Variants in OR8J1 observed in about 807,000 individuals in gnomAD.
The protein encoded by OR8J1 is olfactory receptor family 8 subfamily J member 1, also known as olfactory receptor 8J1.
For synonymous variants in OR8J1, 157 were observed against 144.3 expected (o/e 1.09, Z -0.63); for missense variants, 400 against 373.0 (o/e 1.07, Z -0.60).
In OR8J1 at chr11:56,360,532, G is replaced by A. The variant is rs756370177; in HGVS notation, c.286G>A (p.Glu96Lys). Residue 96 changes from glutamate to lysine, a missense_variant, in exon 2 of 2, where the codon GAA becomes AAA. By Grantham distance (56) the Glu-to-Lys change is moderately conservative (BLOSUM62 1). Coordinates refer to ENST00000533152, the MANE Select transcript of OR8J1 (RefSeq NM_001005205.3). ...LVKKKTTSFY[E>K]CATQLGGFLF... Reference sequence around the variant, plus strand: ...AAAGAAGAAAACTACCTCATTCTATGAATGTGCCACCCAACTGGGAGGGTT... The same window carrying A: ...AAAGAAGAAAACTACCTCATTCTATAAATGTGCCACCCAACTGGGAGGGTT... 1 of 1,614,110 alleles carries A rather than the reference G, an allele frequency of 6.2e-7. No individual in the cohort carries two copies. The highest frequency in any genetic ancestry group is 1.7e-5 in the Admixed American group (1 of 60,000).
chr11:56,360,848 T>C lies in OR8J1; in HGVS notation c.602T>C (p.Ile201Thr), dbSNP rs150294398. ...DTYLPETVVF[I>T]SAATNVVGSL... ...TACTTACCAGAAACAGTTGTCTTTA[T>C]ATCTGCAGCAACAAATGTGGTTGGT... Residue 201 changes from isoleucine to threonine, a missense_variant, in exon 2 of 2, where the codon ATA becomes ACA. Physicochemically the swap from Ile to Thr is moderately conservative, Grantham distance 89. Transcript: ENST00000533152. 17 of 1,518,554 alleles carry C rather than the reference T, an allele frequency of 1.1e-5. No individual in the cohort carries two copies. In the African/African-American group the frequency reaches 2.2e-4, roughly 20 times the overall value. The allele number at this position is 1,518,554 out of a possible 1,614,324, so 94.1% of individuals were successfully genotyped here.
intron 1 of OR8J1, chr11:56,357,592 T>C: frequency 8.7e-7 from 1 of 1,147,966 alleles, no homozygotes; most frequent in Non-Finnish European, 1.3e-6. Context: ...GGTGTGAAGG[T>C]TGGCCTGACA....
intron 1 of OR8J1, chr11:56,358,098 C>T (rs1852583362): frequency 5.8e-6 from 3 of 515,440 alleles, no homozygotes; most frequent in Non-Finnish European, 7.0e-6. Flanking sequence ...AAAAGAAGCC[C>T]AAGACAGAAG....
At position 56,361,007 on chromosome 11, in the gene OR8J1, C is replaced by A. The variant is rs376550127; in HGVS notation, c.761C>A (p.Thr254Lys). 6.0e-6 allele frequency: 9 copies of A among 1,493,362 alleles called. No individual in the cohort carries two copies. In the South Asian group the frequency reaches 1.2e-4, roughly 20 times the overall value. The allele number at this position is 1,493,362 out of a possible 1,614,324, so 92.5% of individuals were successfully genotyped here. A position where few individuals can be genotyped will look rare whatever the true frequency, so the allele number is the denominator to read the frequency against. ...HMMAVTIFYG[T>K]LLFMYVQPRS... Reference sequence around the variant, plus strand: ...ATGGCAGTCACAATTTTTTATGGGACATTGCTATTCATGTATGTGCAGCCC... The same window carrying A: ...ATGGCAGTCACAATTTTTTATGGGAAATTGCTATTCATGTATGTGCAGCCC... The change falls in exon 2 of 2, where the codon ACA becomes AAA. Residue 254 changes from threonine (T) to lysine (K), a missense_variant. Physicochemically the swap from Thr to Lys is moderately conservative, Grantham distance 78. Coordinates refer to ENST00000533152, the MANE Select transcript of OR8J1 (RefSeq NM_001005205.3).
intron 1 of OR8J1, among the ~76,000 whole-genome samples, chr11:56,358,696 T>C (rs1244324368): frequency 6.6e-6 from 1 of 152,226 alleles, no homozygotes; most frequent in Non-Finnish European, 1.5e-5. Context: ...TTATTTATTA[T>C]TGAAATGTGC....
rs373187788 is a variant in OR8J1, at chr11:56,360,847, A to T, written c.601A>T (p.Ile201Leu). 32 of 1,514,856 alleles carry T rather than the reference A, an allele frequency of 2.1e-5. 1 individual carries two copies. Among genetic ancestry groups the T allele is most frequent in the Non-Finnish European group, 2.7e-5 (31 of 1,137,454 alleles). 93.8% of individuals were successfully genotyped at this position (1,514,856 alleles called of 1,614,324 possible). A position where few individuals can be genotyped will look rare whatever the true frequency, so the allele number is the denominator to read the frequency against. Reference sequence around the variant, plus strand: ...TTACTTACCAGAAACAGTTGTCTTTATATCTGCAGCAACAAATGTGGTTGG... The same window carrying T: ...TTACTTACCAGAAACAGTTGTCTTTTTATCTGCAGCAACAAATGTGGTTGG... Reference protein sequence around the residue: ...DTYLPETVVFISAATNVVGSL... With the variant: ...DTYLPETVVFLSAATNVVGSL... Residue 201 changes from isoleucine (I) to leucine (L), a missense_variant, in exon 2 of 2, where the codon ATA becomes TTA. Coordinates refer to ENST00000533152, the MANE Select transcript of OR8J1 (RefSeq NM_001005205.3).
At position 56,360,844 on chromosome 11, in the gene OR8J1, T is replaced by C. The variant is rs1852628292; in HGVS notation, c.598T>C (p.Phe200Leu). 1 of 1,521,048 alleles carries C rather than the reference T, an allele frequency of 6.6e-7. No individual in the cohort carries two copies. The highest frequency in any genetic ancestry group is 8.8e-7 in the Non-Finnish European group (1 of 1,140,668). The allele number at this position is 1,521,048 out of a possible 1,614,324, so 94.2% of individuals were successfully genotyped here. Reference sequence around the variant, plus strand: ...TACTTACTTACCAGAAACAGTTGTCTTTATATCTGCAGCAACAAATGTGGT... The same window carrying C: ...TACTTACTTACCAGAAACAGTTGTCCTTATATCTGCAGCAACAAATGTGGT... ...SDTYLPETVV[F>L]ISAATNVVGS... Residue 200 changes from phenylalanine (F) to leucine (L), a missense_variant, in exon 2 of 2, where the codon TTT (phenylalanine) becomes CTT (leucine). Physicochemically the swap from Phe to Leu is conservative, Grantham distance 22. Transcript: ENST00000533152.
intron 1 of OR8J1, among the ~76,000 whole-genome samples, chr11:56,358,805 T>G (rs1204988832): frequency 1.3e-5 from 2 of 152,122 alleles, no homozygotes; most frequent in East Asian, 3.8e-4. Context: ...TTATGTGAAG[T>G]TTGCACGTTA....
intron 1 of OR8J1, chr11:56,357,179 T>G (rs1436520592): frequency 3.0e-5 from 6 of 202,810 alleles, no homozygotes; most frequent in Non-Finnish European, 5.9e-5. Context: ...AATCCTATAA[T>G]TCATTATCTT....
intron 1 of OR8J1, among the ~76,000 whole-genome samples, chr11:56,356,628 A>G (rs1854972342): frequency 6.6e-6 from 1 of 152,200 alleles, no homozygotes; most frequent in African/African-American, 2.4e-5. Context: ...AGTCTCAAAA[A>G]TAGGATTGAT....
chr11:56,357,345 G>A, intron 1 of OR8J1: 1 of 661,412 alleles, frequency 1.5e-6, no homozygotes, highest in Non-Finnish European at 2.7e-6. Context: ...AAGTTGTTAA[G>A]AGTAAGGCCT....
chr11:56,355,354 G>A (rs116858438), intron 1 of OR8J1, among the ~76,000 whole-genome samples: 8,590 of 151,956 alleles, frequency 0.057, 361 homozygotes, highest in Non-Finnish European at 0.083. Context: ...ACTCATCAAG[G>A]ACCAGGCATG....
chr11:56,360,899 A>G lies in OR8J1; in HGVS notation c.653A>G (p.Tyr218Cys). The change falls in exon 2 of 2, where the codon TAT (tyrosine) becomes TGT (cysteine). Residue 218 changes from tyrosine (Y) to cysteine (C), a missense_variant. By Grantham distance (194) the Tyr-to-Cys change is radical (BLOSUM62 -2). Coordinates refer to ENST00000533152, the MANE Select transcript of OR8J1 (RefSeq NM_001005205.3). ...VGSLIIVLVS[Y>C]FNIVLSILKI... ...TCCTTGATTATAGTTCTAGTATCTT[A>G]TTTCAATATTGTTTTGTCTATTTTA... The G allele has an allele frequency of 6.7e-7, 1 of 1,488,150 alleles. No individual in the cohort carries two copies. The highest frequency in any genetic ancestry group is 1.5e-5 in the South Asian group (1 of 67,858). The allele number at this position is 1,488,150 out of a possible 1,614,324, so 92.2% of individuals were successfully genotyped here.
At chr11:56,357,264 A>G (rs1854980345) in intron 1 of OR8J1, 1 of 362,808 alleles carries the variant, frequency 2.8e-6, no homozygotes, top group Non-Finnish European at 5.0e-6. Flanking sequence ...GTCATGGCTT[A>G]CAATTCAAGG....
At chr11:56,357,957 C>A in intron 1 of OR8J1, 1 of 892,734 alleles carries the variant, frequency 1.1e-6, no homozygotes, top group Non-Finnish European at 1.8e-6. Flanking sequence ...GCTAGCGCTA[C>A]TTAATGGAAG....
In OR8J1 at chr11:56,361,113, G is replaced by C; in HGVS notation, c.867G>C (p.Leu289Phe). Residue 289 changes from leucine to phenylalanine, a missense_variant, in exon 2 of 2, where the codon TTG (leucine) becomes TTC (phenylalanine). Physicochemically the swap from Leu to Phe is conservative, Grantham distance 22. Coordinates refer to ENST00000533152, the MANE Select transcript of OR8J1 (RefSeq NM_001005205.3). ...YTLVIPMLNP[L>F]IYSLRNKDVK... ...TGGTAATTCCTATGCTGAATCCCTT[G>C]ATCTACAGCCTGAGGAATAAGGATG... 6.7e-7 allele frequency: 1 copy of C among 1,500,670 alleles called. No individual in the cohort carries two copies. Among genetic ancestry groups the C allele is most frequent in the Non-Finnish European group, 8.8e-7 (1 of 1,132,696 alleles). 93.0% of individuals were successfully genotyped at this position (1,500,670 alleles called of 1,614,324 possible). A position where few individuals can be genotyped will look rare whatever the true frequency, so the allele number is the denominator to read the frequency against.
Position 56,360,494 on chromosome 11 carries a change from T to C in OR8J1, c.248T>C (p.Ile83Thr), listed in dbSNP as rs761831430. 5 of 1,614,060 alleles carry C rather than the reference T, an allele frequency of 3.1e-6. No individual in the cohort carries two copies. The highest frequency in any genetic ancestry group is 4.2e-6 in the Non-Finnish European group (5 of 1,180,034). Reference sequence around the variant, plus strand: ...ACTGTCATTGCCCCTAAAATGCTGATTAACTTTTTAGTAAAGAAGAAAACT... The same window carrying C: ...ACTGTCATTGCCCCTAAAATGCTGACTAACTTTTTAGTAAAGAAGAAAACT... ...NSTVIAPKML[I>T]NFLVKKKTTS... Residue 83 changes from isoleucine (I) to threonine (T), a missense_variant, in exon 2 of 2, where the codon ATT (isoleucine) becomes ACT (threonine). Ile to Thr is a moderately conservative substitution (Grantham distance 89, BLOSUM62 -1). Transcript: ENST00000533152.
intron 1 of OR8J1, among the ~76,000 whole-genome samples, chr11:56,359,877 C>G (rs1473555405): frequency 1.3e-5 from 2 of 152,164 alleles, no homozygotes; most frequent in African/African-American, 2.4e-5. Context: ...AAAATGACCT[C>G]AAGCCTTTCT....
chr11:56,358,300 A>G (rs1321318598), intron 1 of OR8J1: 2 of 169,190 alleles, frequency 1.2e-5, no homozygotes, highest in Admixed American at 5.9e-5. Flanking sequence ...TTAAGAAATA[A>G]ATAAAATTCA....
Sources: gnomAD v4.1 joint callset for allele counts (sites outside exome capture counted in the v4.1 genomes callset) on GRCh38, gnomAD v4.1.1 for gene constraint, MANE v1.5 for transcripts, NCBI Gene and HGNC (gene_info 2026-07-23, HGNC 2026-07-21) for gene names.